TGFBR1: variants seen among roughly 807,000 people sequenced by gnomAD.
The protein encoded by TGFBR1 is transforming growth factor beta receptor 1.
Under a neutral mutation model 55.1 loss-of-function variants are expected in TGFBR1, and 20 were observed. The observed-to-expected ratio is 0.36, with a 90% confidence interval of 0.26 to 0.53. The LOEUF (loss-of-function observed/expected upper bound fraction) is 0.53, where lower values mean the gene tolerates loss of function less well. Ranked by LOEUF, TGFBR1 falls within the 20% of genes least tolerant of loss-of-function variation. The pLI is 0.91. For synonymous variants in TGFBR1, 220 were observed against 214.8 expected, an observed-to-expected ratio of 1.02 and a Z score of -0.21; for missense variants, 385 against 617.6, an observed-to-expected ratio of 0.62 and a Z score of 3.99.
At chr9:99,139,338 T>C (rs1827541223) in intron 4 of TGFBR1, among the ~76,000 whole-genome samples, 1 of 152,240 alleles carries the variant, frequency 6.6e-6, no homozygotes, top group South Asian at 2.1e-4. Context: ...TTGGTAATTA[T>C]GGGTGATTTT....
intron 1 of TGFBR1, among the ~76,000 whole-genome samples, chr9:99,127,380 C>T (rs1339767667): frequency 6.6e-6 from 1 of 152,190 alleles, no homozygotes; most frequent in Admixed American, 6.5e-5. Context: ...ACTTCTCCTA[C>T]CCGGCCCCCC....
At chr9:99,139,007 A>G (rs1196787279) in intron 4 of TGFBR1, among the ~76,000 whole-genome samples, 1 of 152,018 alleles carries the variant, frequency 6.6e-6, no homozygotes, top group Non-Finnish European at 1.5e-5. Context: ...CATGTTGGCC[A>G]GGTTGGCCTC....
At chr9:99,136,779 G>A (rs1827450812) in intron 3 of TGFBR1, among the ~76,000 whole-genome samples, 1 of 151,942 alleles carries the variant, frequency 6.6e-6, no homozygotes, top group Admixed American at 6.6e-5. Flanking sequence ...ACCAAAGAGA[G>A]CAGATAATTT....
intron 1 of TGFBR1, among the ~76,000 whole-genome samples, chr9:99,119,435 G>A (rs964222233): frequency 1.3e-5 from 2 of 152,168 alleles, no homozygotes; most frequent in African/African-American, 4.8e-5. Context: ...TGAAATTTTC[G>A]GTTTTGTCCT....
intron 1 of TGFBR1, among the ~76,000 whole-genome samples, chr9:99,128,350 C>G (rs1827100930): frequency 6.6e-6 from 1 of 152,018 alleles, no homozygotes. Flanking sequence ...CAGTACAAAT[C>G]TGTTTCCGTT....
intron 4 of TGFBR1, among the ~76,000 whole-genome samples, chr9:99,139,576 C>G: frequency 6.6e-6 from 1 of 152,162 alleles, no homozygotes; most frequent in East Asian, 1.9e-4. Flanking sequence ...AAGCTGGTCC[C>G]AGACAATATG....
chr9:99,152,057 G>A lies in TGFBR1; in HGVS notation c.*2752G>A. On this transcript the variant is annotated 3_prime_UTR_variant, in exon 9 of 9. Transcript: ENST00000374994. ...TGGTCCATCCTTTCTGTCTCCAGCT[G>A]TTTCTTGGAACCTGCTCTCCTGCTT... 1 of 202,882 alleles carries A rather than the reference G, an allele frequency of 4.9e-6. No individual in the cohort carries two copies. The highest frequency in any genetic ancestry group is 2.3e-5 in the African/African-American group (1 of 43,852). The allele number at this position is 202,882 out of a possible 1,614,324, so 12.6% of individuals were successfully genotyped here.
chr9:99,130,963 G>C (rs1827205004), intron 2 of TGFBR1, among the ~76,000 whole-genome samples: 1 of 152,146 alleles, frequency 6.6e-6, no homozygotes, highest in Non-Finnish European at 1.5e-5. Flanking sequence ...TTAAGAAACT[G>C]TGTTACAATT....
intron 1 of TGFBR1, among the ~76,000 whole-genome samples, chr9:99,116,375 A>G (rs966227802): frequency 6.6e-6 from 1 of 152,200 alleles, no homozygotes; most frequent in African/African-American, 2.4e-5. Flanking sequence ...TGTGCATTGC[A>G]AACAGATGGT....
At chr9:99,105,724 G>T (rs1200387950) in intron 1 of TGFBR1, among the ~76,000 whole-genome samples, 1 of 152,168 alleles carries the variant, frequency 6.6e-6, no homozygotes, top group Non-Finnish European at 1.5e-5. Flanking sequence ...CTTGTTCTGG[G>T]GACCCCCGCC....
At chr9:99,116,904 G>C (rs1029032861) in intron 1 of TGFBR1, among the ~76,000 whole-genome samples, 12 of 152,066 alleles carry the variant, frequency 7.9e-5, no homozygotes, top group Non-Finnish European at 1.5e-4. Context: ...ATATCTTTAG[G>C]CTCCAAGGGA....
rs1827840564 is a variant in TGFBR1, at chr9:99,147,681, A to G, written c.1283A>G (p.Tyr428Cys). 1.2e-6 allele frequency: 2 copies of G among 1,613,486 alleles called. No homozygotes were observed. The highest frequency in any genetic ancestry group is 1.7e-6 in the Non-Finnish European group (2 of 1,179,706). ...GGIHEDYQLP[Y>C]YDLVPSDPSV... The stretch of plus-strand genomic sequence containing the variant: ...ATTCATGAAGATTACCAACTGCCTT[A>G]TTATGATCTTGTACCTTCTGACCCA... Residue 428 changes from tyrosine to cysteine, a missense_variant, in exon 8 of 9, where the codon TAT becomes TGT. Physicochemically the swap from Tyr to Cys is radical, Grantham distance 194 (BLOSUM62 -2). Around this residue, in one of 5 missense-constraint regions of TGFBR1, gnomAD observed 110 missense variants for 154.6 expected, o/e 0.71. Coordinates refer to ENST00000374994, the MANE Select transcript of TGFBR1 (RefSeq NM_004612.4).
At chr9:99,144,370 A>AG (rs1827724491) in intron 5 of TGFBR1, among the ~76,000 whole-genome samples, 1 of 152,202 alleles carries the variant, frequency 6.6e-6, no homozygotes, top group South Asian at 2.1e-4. Flanking sequence ...TGCAGTTGAT[A>AG]GGGAAGTGAT....
intron 1 of TGFBR1, among the ~76,000 whole-genome samples, chr9:99,117,132 G>A (rs1826768736): frequency 1.3e-5 from 2 of 152,164 alleles, no homozygotes; most frequent in Non-Finnish European, 2.9e-5. Flanking sequence ...TTGTCACCCA[G>A]GCTGGAATGC....
At position 99,152,468 on chromosome 9, in the gene TGFBR1, A is replaced by T. The variant is rs1828004926; in HGVS notation, c.*3163A>T. Reference sequence around the variant, plus strand: ...GGTGTACAGTGCCATGGCCATCAAGAATCCCAGATTTCAGGTTTTATTACA... The same window carrying T: ...GGTGTACAGTGCCATGGCCATCAAGTATCCCAGATTTCAGGTTTTATTACA... On this transcript the variant is annotated 3_prime_UTR_variant, in exon 9 of 9. Transcript: ENST00000374994. The T allele has an allele frequency of 4.3e-6, 1 of 230,372 alleles. No individual in the cohort carries two copies. Among genetic ancestry groups the T allele is most frequent in the Non-Finnish European group, 8.6e-6 (1 of 115,888 alleles). 14.3% of individuals were successfully genotyped at this position (230,372 alleles called of 1,614,324 possible). A position where few individuals can be genotyped will look rare whatever the true frequency, so the allele number is the denominator to read the frequency against.
chr9:99,105,417 G>T lies in TGFBR1; in HGVS notation c.97+115G>T, dbSNP rs1033645785. Reference sequence around the variant, plus strand: ...CGGGGCCGGGGGCGCAGGTGGCGGCGCCGGGGCCCGGGCCGGGCTCTCGTG... The same window carrying T: ...CGGGGCCGGGGGCGCAGGTGGCGGCTCCGGGGCCCGGGCCGGGCTCTCGTG... On this transcript the variant is annotated intron_variant, in intron 1 of 8. Coordinates refer to ENST00000374994, the MANE Select transcript of TGFBR1 (RefSeq NM_004612.4). The T allele has an allele frequency of 6.8e-5, 60 of 888,466 alleles. No individual in the cohort carries two copies. The African/African-American group carries it at 1.1e-3, about 16-fold the overall frequency. 55.0% of individuals were successfully genotyped at this position (888,466 alleles called of 1,614,324 possible). A position where few individuals can be genotyped will look rare whatever the true frequency, so the allele number is the denominator to read the frequency against.
chr9:99,108,356 A>C (rs149725147), intron 1 of TGFBR1, among the ~76,000 whole-genome samples: 1 of 152,224 alleles, frequency 6.6e-6, no homozygotes, highest in Non-Finnish European at 1.5e-5. Context: ...TGAGGTTGCT[A>C]TTCTGTGTTG....
rs201350756 is a variant in TGFBR1 at position 99,149,425 on chromosome 9, C to T, written c.*120C>T. 1 of 1,436,884 alleles carries T rather than the reference C, an allele frequency of 7.0e-7. No individual in the cohort carries two copies. The highest frequency in any genetic ancestry group is 9.7e-7 in the Non-Finnish European group (1 of 1,026,764). The allele number at this position is 1,436,884 out of a possible 1,614,324, so 89.0% of individuals were successfully genotyped here. A position where few individuals can be genotyped will look rare whatever the true frequency, so the allele number is the denominator to read the frequency against. ...AGAAGGATATTGCTTCCTTTTGCAG[C>T]AGTGTAATAAAGTCAATTAAAAACT... On this transcript the variant is annotated 3_prime_UTR_variant, in exon 9 of 9. Coordinates refer to ENST00000374994, the MANE Select transcript of TGFBR1 (RefSeq NM_004612.4).
chr9:99,104,404 G>A (rs1274822949), upstream of TGFBR1, among the ~76,000 whole-genome samples: 1 of 152,082 alleles, frequency 6.6e-6, no homozygotes. Flanking sequence ...CTATTTGGGG[G>A]TGTGTTTGGG....
Sources: allele counts gnomAD v4.1 joint callset (sites outside exome capture counted in the v4.1 genomes callset), GRCh38; gene constraint gnomAD v4.1.1; regional missense constraint gnomAD v4.1.1; transcripts MANE v1.5; gene names NCBI Gene and HGNC (gene_info 2026-07-23, HGNC 2026-07-21).